The following CLEC16A variants were observed in gnomAD, a reference collection of about 807,000 sequenced individuals.
CLEC16A encodes protein CLEC16A.
A neutral mutation model predicts 109.5 loss-of-function variants in CLEC16A; 51 were observed. The ratio of observed to expected loss-of-function variants is 0.47; its 90% confidence interval spans 0.37 to 0.59. The LOEUF (loss-of-function observed/expected upper bound fraction) is 0.59, where lower values mean the gene tolerates loss of function less well. Among genes scored for constraint, CLEC16A ranks in the 20% least tolerant of loss-of-function variants. The probability of loss-of-function intolerance (pLI) is 0.00; values close to 1 mark genes in which losing one functional copy is unlikely to be tolerated. For missense variants in CLEC16A, 1,339 were observed against 1,394.0 expected (o/e 0.96, Z 0.63); for synonymous variants, 673 against 564.2 (o/e 1.19, Z -2.73).
intron 1 of CLEC16A, among the ~76,000 whole-genome samples, chr16:10,953,697 C>T (rs1186944119): frequency 1.3e-5 from 2 of 152,188 alleles, no homozygotes; most frequent in Non-Finnish European, 2.9e-5. Context: ...AATGGGCAGG[C>T]TAGGCGCGGT....
intron 1 of CLEC16A, among the ~76,000 whole-genome samples, chr16:10,951,315 T>C (rs1193531629): frequency 6.6e-6 from 1 of 152,254 alleles, no homozygotes; most frequent in Non-Finnish European, 1.5e-5. Flanking sequence ...AAATGGGAGT[T>C]AGAGCCTTTT....
intron 1 of CLEC16A, among the ~76,000 whole-genome samples, chr16:10,952,587 C>G (rs1244013857): frequency 6.6e-6 from 1 of 152,192 alleles, no homozygotes; most frequent in African/African-American, 2.4e-5. Context: ...ATTAGATACA[C>G]CATTAAAACA....
chr16:10,984,921 G>A (rs1035490984), intron 10 of CLEC16A, among the ~76,000 whole-genome samples: 3 of 152,100 alleles, frequency 2.0e-5, no homozygotes, highest in Non-Finnish European at 4.4e-5. Context: ...TAAAGTGCCC[G>A]CTGGGCACGG....
chr16:11,044,283 C>T, intron 16 of CLEC16A: 1 of 390,432 alleles, frequency 2.6e-6, no homozygotes. Context: ...TTTTTGAGGA[C>T]TCAGCCCCAG....
chr16:11,021,345 C>CA (rs779396338), intron 12 of CLEC16A, among the ~76,000 whole-genome samples: 13 of 152,242 alleles, frequency 8.5e-5, no homozygotes, highest in Middle Eastern at 6.8e-3. Flanking sequence ...TGCTTCACAG[C>CA]AAAAAATGTA....
chr16:11,085,447 G>T (rs1597336341), intron 19 of CLEC16A, among the ~76,000 whole-genome samples: 2 of 152,274 alleles, frequency 1.3e-5, no homozygotes, highest in African/African-American at 2.4e-5. Flanking sequence ...TTTGTCACGT[G>T]CGTGAGGCCT....
chr16:10,983,051 G>T (rs937735926), intron 10 of CLEC16A, 60 bp downstream of exon 10: 5 of 942,832 alleles, frequency 5.3e-6, no homozygotes, highest in Non-Finnish European at 8.6e-6. Context: ...TTGCTAATCT[G>T]TGTGTTTCTC....
chr16:11,166,315 G>A (rs1364202893), intron 22 of CLEC16A, 73 bp from the exon 23 acceptor site: 9 of 1,485,234 alleles, frequency 6.1e-6, no homozygotes, highest in Non-Finnish European at 8.1e-6. Context: ...GGGTTGTTCA[G>A]TGGAACCATG....
chr16:10,944,612 C>T lies in CLEC16A; in HGVS notation c.-106C>T, dbSNP rs1042103925. 1 of 1,116,708 alleles carries T rather than the reference C, an allele frequency of 9.0e-7. No homozygotes were observed. Among genetic ancestry groups the T allele is most frequent in the East Asian group, 2.6e-5 (1 of 38,268 alleles). 69.2% of individuals were successfully genotyped at this position (1,116,708 alleles called of 1,614,324 possible). On this transcript the variant is annotated 5_prime_UTR_variant, in exon 1 of 24. Coordinates refer to ENST00000409790, the MANE Select transcript of CLEC16A (RefSeq NM_015226.3). ...GGAAGGCGGCTCGCGGTTCCTCCAC[C>T]GCCTCCGCCGCCGCATCCTCCGCTT...
Position 11,120,738 on chromosome 16 carries a change from G to A in CLEC16A, c.2240G>A (p.Gly747Glu), listed in dbSNP as rs2052341782. The A allele has an allele frequency of 6.3e-7, 1 of 1,578,158 alleles. No homozygotes were observed. Among genetic ancestry groups the A allele is most frequent in the Admixed American group, 1.8e-5 (1 of 54,106 alleles). The change falls in exon 20 of 24, where the codon GGA (glycine) becomes GAA (glutamate). Residue 747 changes from glycine to glutamate, a missense_variant. Physicochemically the swap from Gly to Glu is moderately conservative, Grantham distance 98. This residue lies in a region of CLEC16A where 1,061 missense variants were observed against 1,006.8 expected (regional missense o/e 1.05). Transcript: ENST00000409790. The stretch of plus-strand genomic sequence containing the variant: ...CCTGATGTGTCCAGGCTTGGCTGGG[G>A]AGTGGTCAAGTTTGCAGGCCTATTG... ...VEPDVSRLGWGVVKFAGLLQD... is the reference protein window; with the variant it reads ...VEPDVSRLGWEVVKFAGLLQD...
At chr16:11,161,756 A>C (rs1437916478) in intron 22 of CLEC16A, among the ~76,000 whole-genome samples, 3 of 152,228 alleles carry the variant, frequency 2.0e-5, no homozygotes, top group Non-Finnish European at 2.9e-5. Context: ...GGCCCCATAA[A>C]GCCAGATCTT....
At chr16:10,992,061 G>T (rs2044049778) in intron 10 of CLEC16A, among the ~76,000 whole-genome samples, 1 of 152,188 alleles carries the variant, frequency 6.6e-6, no homozygotes, top group Non-Finnish European at 1.5e-5. Flanking sequence ...ACCACTTGCT[G>T]GGTTGCTTAT....
At chr16:10,972,606 A>G (rs2146400474) in intron 6 of CLEC16A, 47 bp downstream of exon 6, 5 of 1,530,562 alleles carry the variant, frequency 3.3e-6, no homozygotes, top group East Asian at 4.5e-5. Flanking sequence ...CTACCCTTAT[A>G]TGTAAATACC....
At chr16:11,129,993 A>G (rs1440201698) in intron 22 of CLEC16A, among the ~76,000 whole-genome samples, 5 of 152,038 alleles carry the variant, frequency 3.3e-5, no homozygotes, top group African/African-American at 9.7e-5. Context: ...CGATCTCCTG[A>G]CATTGTGATC....
intron 22 of CLEC16A, among the ~76,000 whole-genome samples, chr16:11,132,239 C>CA (rs2053261120): frequency 7.2e-6 from 1 of 139,568 alleles, no homozygotes; most frequent in Admixed American, 7.2e-5. Flanking sequence ...CACCCACCCC[C>CA]CCCGCCCCCG....
Position 11,039,871 on chromosome 16 carries a change from A to G in CLEC16A, c.1655A>G (p.Gln552Arg). The change falls in exon 14 of 24, where the codon CAG (glutamine) becomes CGG (arginine). Residue 552 changes from glutamine to arginine, a missense_variant. Coordinates refer to ENST00000409790, the MANE Select transcript of CLEC16A (RefSeq NM_015226.3). Reference sequence around the variant, plus strand: ...ATCAGGATCATGAACAACGCTGCCCAGCCAGGTGCCCACTTGGGGTGTTGT... The same window carrying G: ...ATCAGGATCATGAACAACGCTGCCCGGCCAGGTGCCCACTTGGGGTGTTGT... Reference protein sequence around the residue: ...RLIRIMNNAAQPDGKIRLATL... With the variant: ...RLIRIMNNAARPDGKIRLATL... 6.2e-7 allele frequency: 1 copy of G among 1,612,552 alleles called. No individual in the cohort carries two copies.
chr16:11,160,896 A>T (rs1156255572), intron 22 of CLEC16A, among the ~76,000 whole-genome samples: 1 of 152,144 alleles, frequency 6.6e-6, no homozygotes, highest in Admixed American at 6.6e-5. Flanking sequence ...AGCAGAATGG[A>T]GGAGGATATA....
chr16:10,944,723 T>C lies in CLEC16A; in HGVS notation c.6T>C (p.Phe2=). ...GACGGGTCGGGGCCGCCGACATGTT[T>C]GGCCGCTCGCGGAGCTGGGTGGGCG... M[F]GRSRSWVGGG... is the part of the protein sequence containing the mutation. Residue 2 remains phenylalanine, a synonymous_variant, in exon 1 of 24, where the codon TTT becomes TTC. Transcript: ENST00000409790. The C allele has an allele frequency of 6.2e-7, 1 of 1,606,888 alleles. No homozygotes were observed. Among genetic ancestry groups the C allele is most frequent in the East Asian group, 2.2e-5 (1 of 44,732 alleles).
rs1003461632 is a variant in CLEC16A, at chr16:10,961,902, A to G, written c.210-553A>G. ...TTTGTCTCACTTTTCTCATGATTAA[A>G]CTGGCAGTTAAGGGGAAGAAAACCG... On this transcript the variant is annotated intron_variant, in intron 2 of 23. Transcript: ENST00000409790. This position sits in a 1 kb window ranked among gnomAD's most constrained non-coding sequence, Gnocchi z 4.3. Among the ~76,000 whole-genome samples, 15 of 151,878 alleles carry G rather than the reference A, an allele frequency of 9.9e-5. No individual in the cohort carries two copies. The highest frequency in any genetic ancestry group is 5.9e-4 in the Admixed American group (9 of 15,268).
Sources: allele counts gnomAD v4.1 joint callset (sites outside exome capture counted in the v4.1 genomes callset), GRCh38; gene constraint gnomAD v4.1.1; regional missense constraint gnomAD v4.1.1; non-coding constraint Gnocchi (gnomAD v3.1); transcripts MANE v1.5; gene names NCBI Gene and HGNC (gene_info 2026-07-23, HGNC 2026-07-21).